Variants in ENTHD1 observed in about 807,000 individuals in gnomAD.
The protein encoded by ENTHD1 is ENTH domain-containing protein 1.
Under a neutral mutation model 39.1 loss-of-function variants are expected in ENTHD1, and 23 were observed. That is an observed-to-expected ratio of 0.59 (90% confidence interval 0.42 to 0.83). ENTHD1 has a LOEUF of 0.83. Ranked by LOEUF, ENTHD1 falls within the 40% of genes least tolerant of loss-of-function variation. The pLI, the probability that ENTHD1 is intolerant of heterozygous loss-of-function variation, is 0.00. For missense variants in ENTHD1, 624 were observed against 705.4 expected, an observed-to-expected ratio of 0.88 and a Z score of 1.31; for synonymous variants, 230 against 258.2, an observed-to-expected ratio of 0.89 and a Z score of 1.05.
chr22:39,832,286 G>A (rs1244442734), intron 4 of ENTHD1, among the ~76,000 whole-genome samples: 1 of 152,132 alleles, frequency 6.6e-6, no homozygotes, highest in East Asian at 1.9e-4. Flanking sequence ...ATTCCAGCAT[G>A]GGCAACAGAG....
intron 5 of ENTHD1, among the ~76,000 whole-genome samples, chr22:39,769,765 A>T (rs1355820799): frequency 2.6e-5 from 4 of 152,192 alleles, no homozygotes; most frequent in African/African-American, 9.7e-5. Context: ...GAAGTGGAAT[A>T]AAAAGGCACC....
chr22:39,792,953 G>C (rs993060780), intron 5 of ENTHD1, among the ~76,000 whole-genome samples: 3 of 152,282 alleles, frequency 2.0e-5, no homozygotes, highest in African/African-American at 4.8e-5. Context: ...ATACCCAGAA[G>C]AGGGTTTGCT....
At chr22:39,847,377 G>T (rs1006661712) in intron 3 of ENTHD1, among the ~76,000 whole-genome samples, 2 of 106,848 alleles carry the variant, frequency 1.9e-5, no homozygotes, top group East Asian at 3.5e-4. Context: ...TTGTGGGGTG[G>T]GGGGAGGGGG....
At chr22:39,858,800 G>T (rs2066116515) in intron 3 of ENTHD1, among the ~76,000 whole-genome samples, 1 of 152,170 alleles carries the variant, frequency 6.6e-6, no homozygotes, top group South Asian at 2.1e-4. Flanking sequence ...TTTTGGGAAT[G>T]GTAAAGGAGC....
chr22:39,859,386 C>T (rs1442777170), intron 3 of ENTHD1, among the ~76,000 whole-genome samples: 1 of 152,204 alleles, frequency 6.6e-6, no homozygotes, highest in Non-Finnish European at 1.5e-5. Context: ...CTGTTTGGCA[C>T]AAGAGGCCTA....
At position 39,824,201 on chromosome 22, in the gene ENTHD1, C is replaced by CTTTT. The variant is rs71197195; in HGVS notation, c.712-3092_712-3089dup. 5.2e-4 allele frequency among the ~76,000 whole-genome samples: 37 copies of CTTTT among 71,410 alleles called. 5 individuals are homozygous for CTTTT. The highest frequency in any genetic ancestry group is 1.4e-3 in the East Asian group (3 of 2,138). 46.8% of individuals were successfully genotyped at this position (71,410 alleles called of 152,430 possible). A position where few individuals can be genotyped will look rare whatever the true frequency, so the allele number is the denominator to read the frequency against. ...TTAGGGATCATGCTTTTGTCCAGTT[C>CTTTT]TTTTTTTTTTTTTTTTTTTTTTTTT... On this transcript the variant is annotated intron_variant, in intron 4 of 6. Coordinates refer to ENST00000325157, the MANE Select transcript of ENTHD1 (RefSeq NM_152512.4).
chr22:39,800,740 T>C (rs985195574), intron 5 of ENTHD1, among the ~76,000 whole-genome samples: 2 of 152,254 alleles, frequency 1.3e-5, no homozygotes, highest in African/African-American at 4.8e-5. Context: ...GCAATTTTTG[T>C]TCTGTTTCGC....
chr22:39,758,976 T>C (rs2065208138), intron 6 of ENTHD1, among the ~76,000 whole-genome samples: 1 of 152,216 alleles, frequency 6.6e-6, no homozygotes, highest in African/African-American at 2.4e-5. Context: ...TCATGATGTA[T>C]TATTATTTTT....
At chr22:39,785,229 A>G (rs1304550210) in intron 5 of ENTHD1, among the ~76,000 whole-genome samples, 1 of 152,204 alleles carries the variant, frequency 6.6e-6, no homozygotes, top group Non-Finnish European at 1.5e-5. Context: ...GTGAGGTCTA[A>G]CATCACATCT....
chr22:39,762,438 A>ATCTCACTGTGTCACCCAGGC (rs528755353), intron 6 of ENTHD1, among the ~76,000 whole-genome samples: 6 of 149,782 alleles, frequency 4.0e-5, no homozygotes, highest in Non-Finnish European at 7.4e-5. Flanking sequence ...TTGACACAGG[A>ATCTCACTGTGTCACCCAGGC]TCTCACTGTG....
chr22:39,854,713 A>G (rs1421565932), intron 3 of ENTHD1, among the ~76,000 whole-genome samples: 1 of 152,226 alleles, frequency 6.6e-6, no homozygotes, highest in East Asian at 1.9e-4. Context: ...AGAAAAAAAA[A>G]AAGAAGTAGA....
At chr22:39,851,441 TG>T (rs2146705346) in intron 3 of ENTHD1, among the ~76,000 whole-genome samples, 1 of 152,336 alleles carries the variant, frequency 6.6e-6, no homozygotes, top group African/African-American at 2.4e-5. Context: ...ACAGCTGTTC[TG>T]TATCTGACCT....
chr22:39,887,783 A>G lies in ENTHD1; in HGVS notation c.-35T>C. 1.4e-6 allele frequency: 2 copies of G among 1,433,206 alleles called. No homozygotes were observed. The highest frequency in any genetic ancestry group is 1.9e-6 in the Non-Finnish European group (2 of 1,059,584). 88.8% of individuals were successfully genotyped at this position (1,433,206 alleles called of 1,614,324 possible). A position where few individuals can be genotyped will look rare whatever the true frequency, so the allele number is the denominator to read the frequency against. ...AAGTTCCAAGGTGAGATGGAGGATG[A>G]AAGCAATGGAATAACAGTTTATGTC... On this transcript the variant is annotated 5_prime_UTR_variant, in exon 2 of 7. Coordinates refer to ENST00000325157, the MANE Select transcript of ENTHD1 (RefSeq NM_152512.4).
intron 3 of ENTHD1, among the ~76,000 whole-genome samples, chr22:39,861,077 C>T (rs562972807): frequency 2.0e-5 from 3 of 152,292 alleles, no homozygotes; most frequent in South Asian, 2.1e-4. Context: ...AGACCTCATA[C>T]GCACATAACT....
chr22:39,781,584 ACAAGGCACCT>A (rs1189285728), intron 5 of ENTHD1, among the ~76,000 whole-genome samples: 1 of 152,150 alleles, frequency 6.6e-6, no homozygotes, highest in Non-Finnish European at 1.5e-5. Flanking sequence ...AAACAACCTA[ACAAGGCACCT>A]CAAGGAACTA....
At chr22:39,758,941 T>C (rs1277273275) in intron 6 of ENTHD1, among the ~76,000 whole-genome samples, 1 of 152,198 alleles carries the variant, frequency 6.6e-6, no homozygotes, top group African/African-American at 2.4e-5. Flanking sequence ...ACCAACCTTA[T>C]AATTCGGGGA....
intron 2 of ENTHD1, among the ~76,000 whole-genome samples, chr22:39,885,437 C>T (rs2066372153): frequency 6.6e-6 from 1 of 152,140 alleles, no homozygotes; most frequent in Non-Finnish European, 1.5e-5. Flanking sequence ...TATGGAAAAA[C>T]TTAGCAGCTC....
chr22:39,812,027 G>A (rs1243911007), intron 5 of ENTHD1, among the ~76,000 whole-genome samples: 4 of 133,308 alleles, frequency 3.0e-5, no homozygotes, highest in Admixed American at 7.5e-5. Context: ...AAAAAAAAAC[G>A]ACATAGATGA....
Position 39,743,740 on chromosome 22 carries a change from G to A in ENTHD1, c.1763C>T (p.Ser588Leu), listed in dbSNP as rs778890071. 1.2e-6 allele frequency: 2 copies of A among 1,613,948 alleles called. No homozygotes were observed. Among genetic ancestry groups the A allele is most frequent in the African/African-American group, 2.7e-5 (2 of 74,918 alleles). ...GACCTGGGAAGACTGGCTTATTTGT[G>A]AACTATTCAGACTCATGCTCATCAA... is the stretch of plus-strand genomic sequence containing the variant. ...NILMSMSLNS[S>L]QISQSSQVPQ... The change falls in exon 7 of 7, where the codon TCA becomes TTA. Residue 588 changes from serine (S) to leucine (L), a missense_variant. Coordinates refer to ENST00000325157, the MANE Select transcript of ENTHD1 (RefSeq NM_152512.4).
Sources: allele counts gnomAD v4.1 joint callset (sites outside exome capture counted in the v4.1 genomes callset), GRCh38; gene constraint gnomAD v4.1.1; transcripts MANE v1.5; gene names NCBI Gene and HGNC (gene_info 2026-07-23, HGNC 2026-07-21).